Variants in ERCC2 observed in about 807,000 individuals in gnomAD.
ERCC2 encodes general transcription and DNA repair factor IIH helicase subunit XPD.
A neutral mutation model predicts 99.4 loss-of-function variants in ERCC2; 90 were observed. The observed-to-expected ratio is 0.91, with a 90% confidence interval of 0.76 to 1.08. The LOEUF is 1.08. Ranked by LOEUF, ERCC2 falls within the 50% of genes least tolerant of loss-of-function variation. The pLI is 0.00. For synonymous variants in ERCC2, 497 were observed against 432.4 expected (o/e 1.15, Z -1.85); for missense variants, 993 against 1,038.1 (o/e 0.96, Z 0.60).
intron 22 of ERCC2, 84 bp downstream of exon 22, chr19:45,352,125 G>T: frequency 6.9e-7 from 1 of 1,456,808 alleles, no homozygotes; most frequent in Non-Finnish European, 9.5e-7. Flanking sequence ...CAGGCTGAGG[G>T]TGGGGAGTGG....
chr19:45,357,313 GC>G lies in ERCC2; in HGVS notation c.1435del (p.Ala479GlnfsTer5). ...KILDFHPVTM[A>X]TFTMTLARVC... is the part of the protein sequence containing the mutation. ...CCGTGCCAGCGTCATGGTGAAGGTTGCCATGGTGACGGGGTGGAAGTCCAGG... is the reference window on the plus strand; with the variant it reads ...CCGTGCCAGCGTCATGGTGAAGGTTGCATGGTGACGGGGTGGAAGTCCAGG... On this transcript the variant is annotated frameshift_variant, in exon 15 of 23. Coordinates refer to ENST00000391945, the MANE Select transcript of ERCC2 (RefSeq NM_000400.4). LOFTEE classifies it high-confidence loss of function. 1 of 1,614,126 alleles carries G rather than the reference GC, an allele frequency of 6.2e-7. No individual in the cohort carries two copies. Among genetic ancestry groups the G allele is most frequent in the Non-Finnish European group, 8.5e-7 (1 of 1,179,964 alleles).
At chr19:45,366,051 G>A (rs1972415873) in intron 5 of ERCC2, among the ~76,000 whole-genome samples, 1 of 152,006 alleles carries the variant, frequency 6.6e-6, no homozygotes, top group Non-Finnish European at 1.5e-5. Flanking sequence ...TGCCCAGGCT[G>A]GTCTCAAACT....
rs3916841 is a variant in ERCC2 at position 45,358,936 on chromosome 19, A to G, written c.1238-1237T>C. The G allele has an allele frequency of 0.01, 7,904 of 770,138 alleles. 429 individuals are homozygous for G. The African/African-American group carries it at 0.12, about 12-fold the overall frequency. The allele number at this position is 770,138 out of a possible 1,614,324, so 47.7% of individuals were successfully genotyped here. A position where few individuals can be genotyped will look rare whatever the true frequency, so the allele number is the denominator to read the frequency against. On this transcript the variant is annotated intron_variant, in intron 12 of 22. Coordinates refer to ENST00000391945, the MANE Select transcript of ERCC2 (RefSeq NM_000400.4). The stretch of plus-strand genomic sequence containing the variant: ...GCCTGTTTGTTGAAGAAATAAATGA[A>G]TGAATGAATTTACATATTCGGTTTC...
At chr19:45,352,413 A>C in intron 21 of ERCC2, 61 bp from the exon 22 acceptor site, 3 of 1,613,554 alleles carry the variant, frequency 1.9e-6, no homozygotes, top group Non-Finnish European at 2.5e-6. Context: ...GCCACTCTCC[A>C]CCCTGCAACC....
At chr19:45,356,806 G>A (rs780328709) in intron 15 of ERCC2, among the ~76,000 whole-genome samples, 5 of 152,212 alleles carry the variant, frequency 3.3e-5, no homozygotes, top group Middle Eastern at 3.4e-3. Context: ...AGACTCCGTC[G>A]CACAACAAAA....
chr19:45,367,368 TACACACACACAC>T (rs35938083), intron 5 of ERCC2, among the ~76,000 whole-genome samples: 2 of 83,272 alleles, frequency 2.4e-5, no homozygotes, highest in Non-Finnish European at 2.5e-5. Flanking sequence ...TATATATATA[TACACACACACAC>T]ACACACACAC....
At chr19:45,365,277 G>T in intron 5 of ERCC2, 119 bp from the exon 6 acceptor site, 1 of 771,740 alleles carries the variant, frequency 1.3e-6, no homozygotes, top group Non-Finnish European at 2.3e-6. Flanking sequence ...TCAGTCTGTT[G>T]CATTATTAGT....
intron 22 of ERCC2, 24 bp from the exon 23 acceptor site, chr19:45,351,745 G>A: frequency 1.2e-6 from 2 of 1,610,330 alleles, no homozygotes; most frequent in Non-Finnish European, 1.7e-6. Flanking sequence ...AGGAAAGGGA[G>A]AGGGGGGCAC....
rs747451288 is a variant in ERCC2 at position 45,350,620 on chromosome 19, GCATCCCCGGCCCCTCCCCAGGCC to G, written c.*986_*1008del. 116 of 1,613,166 alleles carry G rather than the reference GCATCCCCGGCCCCTCCCCAGGCC, an allele frequency of 7.2e-5. No homozygotes were observed. The highest frequency in any genetic ancestry group is 1.5e-4 in the Admixed American group (9 of 59,996). ...CTGCATGGGCCTGGGGGACTGAGCA[GCATCCCCGGCCCCTCCCCAGGCC>G]CTTCGCCGCAGCAGCTCACTCTCCA... On this transcript the variant is annotated 3_prime_UTR_variant, in exon 23 of 23. Transcript: ENST00000391945.
chr19:45,350,833 C>T lies in ERCC2; in HGVS notation c.*796G>A. On this transcript the variant is annotated 3_prime_UTR_variant, in exon 23 of 23. Coordinates refer to ENST00000391945, the MANE Select transcript of ERCC2 (RefSeq NM_000400.4). ...CCCCCACCCCCATCTTGCTCAAGAA[C>T]CTTCCATGGCTCCCATCTCCCCTGT... 1 of 767,160 alleles carries T rather than the reference C, an allele frequency of 1.3e-6. No individual in the cohort carries two copies. Among genetic ancestry groups the T allele is most frequent in the East Asian group, 5.4e-5 (1 of 18,396 alleles). The allele number at this position is 767,160 out of a possible 1,614,324, so 47.5% of individuals were successfully genotyped here.
chr19:45,363,680 G>T, intron 11 of ERCC2, 63 bp downstream of exon 11: 1 of 1,486,696 alleles, frequency 6.7e-7, no homozygotes, highest in Non-Finnish European at 9.0e-7. Flanking sequence ...AGGCGTGGAG[G>T]ACACGGCTCT....
intron 19 of ERCC2, 83 bp from the exon 20 acceptor site, chr19:45,352,899 G>T: frequency 7.2e-7 from 1 of 1,388,090 alleles, no homozygotes; most frequent in Non-Finnish European, 1.0e-6. Context: ...CCAGGATGCT[G>T]TGTCTGAGTT....
At chr19:45,355,814 C>CTTT (rs35665496) in intron 15 of ERCC2, 86 bp from the exon 16 acceptor site, 36 of 678,704 alleles carry the variant, frequency 5.3e-5, no homozygotes, top group East Asian at 8.8e-5. Flanking sequence ...CTGTTCTAAG[C>CTTT]TTTTTTTTTT....
At chr19:45,354,126 A>C (rs1599728115) in intron 17 of ERCC2, among the ~76,000 whole-genome samples, 1 of 152,152 alleles carries the variant, frequency 6.6e-6, no homozygotes, top group East Asian at 1.9e-4. Context: ...CTCACCCCAA[A>C]GTGCTTTCAC....
rs1971770736 is a variant in ERCC2, at chr19:45,351,434, T to C, written c.*195A>G. ...TGGGCTGGTGGGGTGAGAGGGGGTCTATCATCTCCTGGCCCCCCCTTGCCT... is the reference window on the plus strand; with the variant it reads ...TGGGCTGGTGGGGTGAGAGGGGGTCCATCATCTCCTGGCCCCCCCTTGCCT... On this transcript the variant is annotated 3_prime_UTR_variant, in exon 23 of 23. Coordinates refer to ENST00000391945, the MANE Select transcript of ERCC2 (RefSeq NM_000400.4). 6.3e-7 allele frequency: 1 copy of C among 1,587,884 alleles called. No homozygotes were observed. The highest frequency in any genetic ancestry group is 8.5e-7 in the Non-Finnish European group (1 of 1,170,222).
At position 45,364,225 on chromosome 19, in the gene ERCC2, C is replaced by G. The variant is rs747846053; in HGVS notation, c.815+10G>C. On this transcript the variant is annotated intron_variant, in intron 9 of 22. Coordinates refer to ENST00000391945, the MANE Select transcript of ERCC2 (RefSeq NM_000400.4). ...GGGCGGGCACCACCGCCAGACGTCC[C>G]CGGCCCCACCTGAGCACCGTCTTCT... The G allele has an allele frequency of 6.8e-6, 11 of 1,613,054 alleles. No homozygotes were observed. In the East Asian group the frequency reaches 1.1e-4, roughly 16 times the overall value.
rs770334103 is a variant in ERCC2, at chr19:45,365,154, G to A, written c.365C>T (p.Thr122Ile). The change falls in exon 6 of 23, where the codon ACA becomes ATA. Residue 122 changes from threonine (T) to isoleucine (I), a missense_variant. Physicochemically the swap from Thr to Ile is moderately conservative, Grantham distance 89. This residue lies in a region of ERCC2 where 909 missense variants were observed against 930.8 expected (regional missense o/e 0.98). Transcript: ENST00000391945. ...GACGTCCTTCCCAAAGCGCAGGGGTGTCACCTGGGGGTGTGGGGCATCTTA... is the reference window on the plus strand; with the variant it reads ...GACGTCCTTCCCAAAGCGCAGGGGTATCACCTGGGGGTGTGGGGCATCTTA... ...RKNLCIHPEV[T>I]PLRFGKDVDG... 5 of 1,613,646 alleles carry A rather than the reference G, an allele frequency of 3.1e-6. No individual in the cohort carries two copies. Among genetic ancestry groups the A allele is most frequent in the East Asian group, 4.5e-5 (2 of 44,872 alleles).
In ERCC2 at chr19:45,350,321, A is replaced by C. The variant is rs201211906; in HGVS notation, c.*1308T>G. 49 of 1,609,406 alleles carry C rather than the reference A, an allele frequency of 3.0e-5. No homozygotes were observed. The East Asian group carries it at 1.1e-3, about 35-fold the overall frequency. On this transcript the variant is annotated 3_prime_UTR_variant, in exon 23 of 23. Coordinates refer to ENST00000391945, the MANE Select transcript of ERCC2 (RefSeq NM_000400.4). The stretch of plus-strand genomic sequence containing the variant: ...GGGAACTGGGGTCCGAAAAGTTCCC[A>C]GACACTCCCTTCTCCGCAGGCCTCA...
At position 45,357,680 on chromosome 19, in the gene ERCC2, C is replaced by A. The variant is rs771820925; in HGVS notation, c.1257G>T (p.Glu419Asp). 4 of 1,613,932 alleles carry A rather than the reference C, an allele frequency of 2.5e-6. No homozygotes were observed. The Admixed American group carries it at 6.7e-5, about 27-fold the overall frequency. The change falls in exon 13 of 23, where the codon GAG becomes GAT. Residue 419 changes from glutamate (E) to aspartate (D), a missense_variant. By Grantham distance (45) the Glu-to-Asp change is conservative. Transcript: ENST00000391945. ...TGGTCGGGGTTCTGTCGTCAAAGGG[C>A]TCGATGATGATGGTGAAGCCTGCAG... The part of the protein sequence containing the change: ...TYAKGFTIII[E>D]PFDDRTPTIA...
Sources: gnomAD v4.1 joint callset for allele counts (sites outside exome capture counted in the v4.1 genomes callset) on GRCh38, gnomAD v4.1.1 for gene constraint, gnomAD v4.1.1 regional missense constraint, MANE v1.5 for transcripts, NCBI Gene and HGNC (gene_info 2026-07-23, HGNC 2026-07-21) for gene names.